The following RABGAP1 variants were observed in gnomAD, a reference collection of about 807,000 sequenced individuals.
The protein encoded by RABGAP1 is RAB GTPase activating protein 1, also known as rab GTPase-activating protein 1.
RABGAP1 carries 23 observed loss-of-function variants against 137.6 expected under a neutral mutation model. That is an observed-to-expected ratio of 0.17 (90% CI 0.12 to 0.24). The LOEUF (loss-of-function observed/expected upper bound fraction) is 0.24, where lower values mean the gene tolerates loss of function less well. RABGAP1 is among the 10% of genes least tolerant of loss of function. RABGAP1 has a pLI of 1.00. For missense variants in RABGAP1, 906 were observed against 1,275.8 expected (o/e 0.71, Z 4.42); for synonymous variants, 451 against 450.7 (o/e 1.00, Z -0.01).
chr9:122,998,479 G>A, intron 9 of RABGAP1, 118 bp from the exon 10 acceptor site: 1 of 800,342 alleles, frequency 1.2e-6, no homozygotes, highest in South Asian at 2.3e-5. Flanking sequence ...TTTAATTGAT[G>A]GTTCACTTAA....
At chr9:123,036,916 T>C (rs1187578553) in intron 13 of RABGAP1, among the ~76,000 whole-genome samples, 22 of 152,066 alleles carry the variant, frequency 1.4e-4, no homozygotes, top group African/African-American at 4.8e-5. Context: ...TATGTAGTAG[T>C]GATGTTTGTT....
intron 13 of RABGAP1, among the ~76,000 whole-genome samples, chr9:123,044,094 G>A (rs1056581234): frequency 2.6e-5 from 4 of 151,594 alleles, no homozygotes; most frequent in African/African-American, 9.7e-5. Flanking sequence ...TAGTAGAGAC[G>A]GGGTTTCACC....
chr9:123,096,897 C>T (rs1588413432), intron 21 of RABGAP1, among the ~76,000 whole-genome samples: 1 of 152,168 alleles, frequency 6.6e-6, no homozygotes, highest in Non-Finnish European at 1.5e-5. Flanking sequence ...ACCCAGCTCT[C>T]TGGAACCTGT....
intron 14 of RABGAP1, among the ~76,000 whole-genome samples, chr9:123,066,052 C>A (rs370080116): frequency 1.3e-5 from 2 of 152,142 alleles, no homozygotes; most frequent in African/African-American, 4.8e-5. Context: ...TTCATCTGTT[C>A]TCAGAATTAG....
At chr9:122,955,255 G>C (rs747693339) in intron 1 of RABGAP1, among the ~76,000 whole-genome samples, 2 of 152,126 alleles carry the variant, frequency 1.3e-5, no homozygotes, top group African/African-American at 2.4e-5. Context: ...CCCTAAATCA[G>C]TACTTATTAG....
At chr9:123,059,565 A>AAT (rs2033886278) in intron 13 of RABGAP1, among the ~76,000 whole-genome samples, 2 of 152,146 alleles carry the variant, frequency 1.3e-5, no homozygotes, top group Non-Finnish European at 2.9e-5. Context: ...AAAATAAATA[A>AAT]AAATTAAAAA....
intron 13 of RABGAP1, among the ~76,000 whole-genome samples, chr9:123,056,202 A>T (rs1359631759): frequency 3.9e-5 from 6 of 152,244 alleles, no homozygotes; most frequent in Non-Finnish European, 8.8e-5. Flanking sequence ...AAGCAAATAT[A>T]TGTATGGTAA....
the RABGAP1 span, among the ~76,000 whole-genome samples, chr9:122,934,010 T>C: frequency 6.6e-6 from 1 of 152,094 alleles, no homozygotes; most frequent in Non-Finnish European, 1.5e-5. Flanking sequence ...TCAAGCTATC[T>C]TTGGTCTCCC....
intron 2 of RABGAP1, among the ~76,000 whole-genome samples, chr9:122,970,279 G>A (rs2131680944): frequency 6.6e-6 from 1 of 152,046 alleles, no homozygotes; most frequent in African/African-American, 2.4e-5. Context: ...CATAAAAGTG[G>A]AACCATGAGT....
At chr9:122,989,969 C>T (rs1836582807) in intron 5 of RABGAP1, 87 bp from the exon 6 acceptor site, 2 of 1,326,462 alleles carry the variant, frequency 1.5e-6, no homozygotes, top group African/African-American at 1.5e-5. Flanking sequence ...ATAATTATTG[C>T]CCTCCAAAGT....
At chr9:122,961,549 A>C (rs942488577) in intron 2 of RABGAP1, among the ~76,000 whole-genome samples, 5 of 152,256 alleles carry the variant, frequency 3.3e-5, no homozygotes, top group African/African-American at 1.2e-4. Flanking sequence ...GGCTGAAAGC[A>C]AGTTACTCCA....
At chr9:122,984,787 A>T in intron 3 of RABGAP1, 68 bp downstream of exon 3, 1 of 1,396,260 alleles carries the variant, frequency 7.2e-7, no homozygotes, top group Non-Finnish European at 9.9e-7. Context: ...TCCACCCTGT[A>T]CTAGGTTTTA....
intron 19 of RABGAP1, among the ~76,000 whole-genome samples, chr9:123,088,860 T>C (rs1171853742): frequency 2.6e-5 from 4 of 152,178 alleles, no homozygotes; most frequent in South Asian, 2.1e-4. Flanking sequence ...AGATTGGTCA[T>C]GTTAAAGCAT....
chr9:122,955,015 A>G (rs1457126837), intron 1 of RABGAP1, among the ~76,000 whole-genome samples: 1 of 152,236 alleles, frequency 6.6e-6, no homozygotes, highest in Non-Finnish European at 1.5e-5. Context: ...TATAAGGGCA[A>G]CAGTTCTTTG....
chr9:123,036,059 A>G (rs925859264), intron 13 of RABGAP1, among the ~76,000 whole-genome samples: 4 of 152,234 alleles, frequency 2.6e-5, no homozygotes, highest in African/African-American at 9.6e-5. Context: ...TTCTAACGGA[A>G]TAGTAAAATA....
chr9:122,950,377 C>CTTTCTTTTTTTTTTTT (rs1834167534), intron 1 of RABGAP1, among the ~76,000 whole-genome samples: 1 of 74,490 alleles, frequency 1.3e-5, no homozygotes, highest in Non-Finnish European at 2.4e-5. Context: ...CTTTTTCTTT[C>CTTTCTTTTTTTTTTTT]TTTTTTTTTT....
intron 2 of RABGAP1, among the ~76,000 whole-genome samples, chr9:122,958,990 CAG>C (rs1023055276): frequency 3.3e-5 from 5 of 152,064 alleles, no homozygotes; most frequent in African/African-American, 7.2e-5. Context: ...GCCCGGGTGA[CAG>C]AGTGAGATCC....
intron 13 of RABGAP1, among the ~76,000 whole-genome samples, chr9:123,047,294 C>T (rs1189547576): frequency 6.6e-6 from 1 of 152,082 alleles, no homozygotes; most frequent in African/African-American, 2.4e-5. Flanking sequence ...AGAATTCTTT[C>T]ATTGGTATTT....
chr9:123,095,827 C>G (rs2035167663), intron 21 of RABGAP1, among the ~76,000 whole-genome samples: 1 of 152,106 alleles, frequency 6.6e-6, no homozygotes, highest in Non-Finnish European at 1.5e-5. Flanking sequence ...TTCACTTATA[C>G]AAGTTTATTA....
Sources: gnomAD v4.1 joint callset for allele counts (sites outside exome capture counted in the v4.1 genomes callset) on GRCh38, gnomAD v4.1.1 for gene constraint, MANE v1.5 for transcripts, NCBI Gene and HGNC (gene_info 2026-07-23, HGNC 2026-07-21) for gene names.